The following TMED10 variants were observed in gnomAD, a reference collection of about 807,000 sequenced individuals.
TMED10 encodes the protein transmembrane emp24 domain-containing protein 10.
In TMED10, 7 loss-of-function variants were observed where a neutral mutation model predicts 23.1. The ratio of observed to expected loss-of-function variants is 0.30; its 90% CI spans 0.17 to 0.57. The LOEUF (loss-of-function observed/expected upper bound fraction) is 0.57. Among genes scored for constraint, TMED10 ranks in the 20% least tolerant of loss-of-function variants. TMED10 has a pLI of 0.91. For missense variants in TMED10, 162 were observed against 274.8 expected (o/e 0.59, Z 2.90); for synonymous variants, 113 against 106.9 (o/e 1.06, Z -0.35).
In TMED10 at chr14:75,133,959, C is replaced by T; in HGVS notation, c.*926G>A. On this transcript the variant is annotated 3_prime_UTR_variant, in exon 5 of 5. Transcript: ENST00000303575. ...TACATGCAACAACTTGGATGGATTTCAAGGGAATTATGCTGAATGAAAAAA... is the reference window on the plus strand; with the variant it reads ...TACATGCAACAACTTGGATGGATTTTAAGGGAATTATGCTGAATGAAAAAA... The T allele has an allele frequency of 3.9e-6, 1 of 257,956 alleles. No homozygotes were observed. The highest frequency in any genetic ancestry group is 7.5e-6 in the Non-Finnish European group (1 of 132,888). 16.0% of individuals were successfully genotyped at this position (257,956 alleles called of 1,614,324 possible).
At chr14:75,168,710 G>C (rs1002668689) in intron 1 of TMED10, among the ~76,000 whole-genome samples, 5 of 152,138 alleles carry the variant, frequency 3.3e-5, no homozygotes, top group African/African-American at 1.2e-4. Context: ...TCTTACTTCA[G>C]ATCTAGTCTC....
chr14:75,137,195 C>T (rs1022149174), intron 3 of TMED10, among the ~76,000 whole-genome samples: 12 of 150,382 alleles, frequency 8.0e-5, no homozygotes, highest in African/African-American at 2.4e-5. Context: ...TATTTTTAGT[C>T]GAGATGGGGT....
intron 3 of TMED10, chr14:75,139,134 G>A: frequency 2.2e-6 from 1 of 453,242 alleles, no homozygotes; most frequent in Middle Eastern, 3.3e-4. Context: ...TAAACTTGAT[G>A]TATTATCTTT....
chr14:75,158,578 T>A (rs1170411585), intron 1 of TMED10, among the ~76,000 whole-genome samples: 2 of 151,864 alleles, frequency 1.3e-5, no homozygotes, highest in African/African-American at 4.8e-5. Flanking sequence ...TCCTCCCACC[T>A]TGGCCTCCCA....
Position 75,133,934 on chromosome 14 carries a change from T to C in TMED10, c.*951A>G. ...AAGAAAAAAAGGAAGAAACTATTCA[T>C]ACATGCAACAACTTGGATGGATTTC... On this transcript the variant is annotated 3_prime_UTR_variant, in exon 5 of 5. Coordinates refer to ENST00000303575, the MANE Select transcript of TMED10 (RefSeq NM_006827.6). The C allele has an allele frequency of 3.4e-6, 1 of 291,408 alleles. No homozygotes were observed. The highest frequency in any genetic ancestry group is 6.5e-6 in the Non-Finnish European group (1 of 153,984). 18.1% of individuals were successfully genotyped at this position (291,408 alleles called of 1,614,324 possible).
At chr14:75,173,790 G>A (rs966130733) in intron 1 of TMED10, among the ~76,000 whole-genome samples, 3 of 152,184 alleles carry the variant, frequency 2.0e-5, no homozygotes, top group Non-Finnish European at 2.9e-5. Flanking sequence ...GAGTGCAGTG[G>A]CACGGTGTCA....
chr14:75,157,717 A>T (rs1261198039), intron 1 of TMED10, among the ~76,000 whole-genome samples: 1 of 152,110 alleles, frequency 6.6e-6, no homozygotes. Flanking sequence ...AGGCGGGTGG[A>T]TCACCTGAGG....
At chr14:75,171,758 T>A (rs1021609402) in intron 1 of TMED10, among the ~76,000 whole-genome samples, 1 of 152,328 alleles carries the variant, frequency 6.6e-6, no homozygotes, top group South Asian at 2.1e-4. Flanking sequence ...GACAAATCCC[T>A]GATGTTTTAG....
intron 1 of TMED10, among the ~76,000 whole-genome samples, chr14:75,155,001 C>CTGTTGTAGGGCAGTTGT (rs1896005026): frequency 6.6e-6 from 1 of 150,868 alleles, no homozygotes; most frequent in South Asian, 2.1e-4. Flanking sequence ...CTGTGTCACT[C>CTGTTGTAGGGCAGTTGT]AGGTTGTAGG....
chr14:75,166,635 C>T (rs918480187), intron 1 of TMED10, among the ~76,000 whole-genome samples: 1 of 152,102 alleles, frequency 6.6e-6, no homozygotes, highest in African/African-American at 2.4e-5. Context: ...AGCAATGTAT[C>T]CTTTAACTTT....
chr14:75,151,876 C>T (rs2139843730), intron 2 of TMED10, among the ~76,000 whole-genome samples, 156 bp downstream of exon 2: 1 of 152,202 alleles, frequency 6.6e-6, no homozygotes, highest in East Asian at 1.9e-4. Context: ...TGTAGTCGAC[C>T]TTTTAAAAGG....
chr14:75,153,892 C>T (rs373604170), intron 1 of TMED10, among the ~76,000 whole-genome samples: 8 of 151,058 alleles, frequency 5.3e-5, no homozygotes, highest in African/African-American at 1.9e-4. Context: ...GCCTCAGCCT[C>T]CCGAGTAGCT....
At chr14:75,143,696 G>C (rs2139836800) in intron 3 of TMED10, among the ~76,000 whole-genome samples, 1 of 152,284 alleles carries the variant, frequency 6.6e-6, no homozygotes, top group South Asian at 2.1e-4. Context: ...CACTTTGGGA[G>C]GCCGAGGTGG....
rs1895904949 is a variant in TMED10, at chr14:75,147,734, G to C, written c.341C>G (p.Thr114Arg). 1 of 1,614,064 alleles carries C rather than the reference G, an allele frequency of 6.2e-7. No individual in the cohort carries two copies. The highest frequency in any genetic ancestry group is 8.5e-7 in the Non-Finnish European group (1 of 1,180,022). The change falls in exon 3 of 5, where the codon ACA (threonine) becomes AGA (arginine). Residue 114 changes from threonine to arginine, a missense_variant. Physicochemically the swap from Thr to Arg is moderately conservative, Grantham distance 71. Coordinates refer to ENST00000303575, the MANE Select transcript of TMED10 (RefSeq NM_006827.6). ...CACGAGTTGGTCAGGTATCCGCCCT[G>C]TTCCTGAGAAAGAAATCAAAGGAAT... Reference protein sequence around the residue: ...MFEVCFESKGTGRIPDQLVIL... With the variant: ...MFEVCFESKGRGRIPDQLVIL...
At chr14:75,154,591 TAA>T (rs2139846236) in intron 1 of TMED10, among the ~76,000 whole-genome samples, 2 of 152,176 alleles carry the variant, frequency 1.3e-5, no homozygotes, top group Admixed American at 1.3e-4. Context: ...AATTCCCTAA[TAA>T]ACAGTAGTAT....
chr14:75,142,516 T>G (rs1239112336), intron 3 of TMED10, among the ~76,000 whole-genome samples: 2 of 152,208 alleles, frequency 1.3e-5, no homozygotes, highest in Non-Finnish European at 2.9e-5. Context: ...CTTGAAAGCC[T>G]CCTTCAACCA....
At position 75,176,572 on chromosome 14, in the gene TMED10, C is replaced by A. The variant is rs753815388; in HGVS notation, c.8G>T (p.Gly3Val). 1.2e-6 allele frequency: 2 copies of A among 1,614,114 alleles called. No individual in the cohort carries two copies. The highest frequency in any genetic ancestry group is 1.7e-5 in the Admixed American group (1 of 60,028). The change falls in exon 1 of 5, where the codon GGT becomes GTT. Residue 3 changes from glycine to valine, a missense_variant. Around this residue, in one of 2 missense-constraint regions of TMED10, gnomAD observed 36 missense variants for 35.2 expected, o/e 1.02. Coordinates refer to ENST00000303575, the MANE Select transcript of TMED10 (RefSeq NM_006827.6). The stretch of plus-strand genomic sequence containing the variant: ...GCGCCGGGCTGGTGGGCCAGACAAA[C>A]CAGACATGGTGCTGGAGACTCGTTC... MS[G>V]LSGPPARRGP...
chr14:75,174,026 C>T (rs190936753), intron 1 of TMED10, among the ~76,000 whole-genome samples: 79 of 152,252 alleles, frequency 5.2e-4, no homozygotes, highest in African/African-American at 1.9e-3. Context: ...CCACCAAGCC[C>T]GGCCTAAAGT....
At chr14:75,169,456 G>A (rs1266728089) in intron 1 of TMED10, among the ~76,000 whole-genome samples, 1 of 152,172 alleles carries the variant, frequency 6.6e-6, no homozygotes, top group Non-Finnish European at 1.5e-5. Context: ...TCAGGAGTTT[G>A]AGACCAACCT....
Sources: allele counts gnomAD v4.1 joint callset (sites outside exome capture counted in the v4.1 genomes callset), GRCh38; gene constraint gnomAD v4.1.1; regional missense constraint gnomAD v4.1.1; transcripts MANE v1.5; gene names NCBI Gene and HGNC (gene_info 2026-07-23, HGNC 2026-07-21).